Variants in NRXN3 observed in about 807,000 individuals in gnomAD.
The protein encoded by NRXN3 is neurexin III.
In NRXN3, 32 loss-of-function variants were observed where a neutral mutation model predicts 137.6. The observed-to-expected ratio is 0.23, with a 90% CI of 0.18 to 0.31. The LOEUF is 0.31. NRXN3 is among the 10% of genes least tolerant of loss of function. The pLI, the probability that NRXN3 is intolerant of heterozygous loss-of-function variation, is 1.00. For missense variants in NRXN3, 1,574 were observed against 2,062.5 expected (o/e 0.76, Z 4.59); for synonymous variants, 798 against 784.5 (o/e 1.02, Z -0.29).
intron 15 of NRXN3, among the ~76,000 whole-genome samples, chr14:79,103,010 C>A (rs73324730): frequency 0.043 from 6,553 of 152,122 alleles, 518 homozygotes; most frequent in African/African-American, 0.15. Flanking sequence ...AGTGGATAAA[C>A]CTGAAAATAA....
intron 15 of NRXN3, among the ~76,000 whole-genome samples, chr14:79,352,743 T>A (rs2093270235): frequency 6.6e-6 from 1 of 152,138 alleles, no homozygotes; most frequent in Admixed American, 6.5e-5. Context: ...GTGCTCTGCA[T>A]AGATGTAAAA....
intron 19 of NRXN3, among the ~76,000 whole-genome samples, chr14:79,719,350 T>A (rs919645126): frequency 1.8e-5 from 1 of 55,336 alleles, no homozygotes; most frequent in Non-Finnish European, 4.4e-5. Flanking sequence ...TATATACACA[T>A]ATATGTGTAT....
chr14:79,762,071 T>C (rs2099040573), intron 19 of NRXN3, among the ~76,000 whole-genome samples: 1 of 151,586 alleles, frequency 6.6e-6, no homozygotes, highest in African/African-American at 2.4e-5. Context: ...TGATTTTATA[T>C]TGGAAACAAG....
At chr14:78,463,254 T>C (rs1315702882) in intron 4 of NRXN3, among the ~76,000 whole-genome samples, 1 of 152,186 alleles carries the variant, frequency 6.6e-6, no homozygotes, top group East Asian at 1.9e-4. Flanking sequence ...TGTGTATATA[T>C]GTATGTATAT....
chr14:79,605,144 T>C (rs1365657935), intron 16 of NRXN3, among the ~76,000 whole-genome samples: 1 of 152,210 alleles, frequency 6.6e-6, no homozygotes, highest in African/African-American at 2.4e-5. Context: ...TCAGCATTTT[T>C]CTGAAGTGTC....
chr14:79,519,711 CTTG>C (rs1466063325), intron 16 of NRXN3, among the ~76,000 whole-genome samples: 1 of 147,380 alleles, frequency 6.8e-6, no homozygotes, highest in East Asian at 2.0e-4. Context: ...TGTTTCCGAT[CTTG>C]TTGTTAACAT....
intron 15 of NRXN3, among the ~76,000 whole-genome samples, chr14:79,003,013 A>C (rs2099544899): frequency 6.6e-6 from 1 of 152,086 alleles, no homozygotes; most frequent in African/African-American, 2.4e-5. Flanking sequence ...TGTCACCAAG[A>C]CTGGAGTGCA....
chr14:78,798,649 G>C (rs1009223276), intron 8 of NRXN3, among the ~76,000 whole-genome samples: 1 of 152,150 alleles, frequency 6.6e-6, no homozygotes, highest in East Asian at 1.9e-4. Flanking sequence ...ATTTCCCTTC[G>C]GCACTGCCCT....
chr14:78,954,234 T>A (rs780090111), intron 10 of NRXN3, among the ~76,000 whole-genome samples: 1 of 152,196 alleles, frequency 6.6e-6, no homozygotes, highest in African/African-American at 2.4e-5. Context: ...AGTTGACCTT[T>A]TGACTTGATT....
At chr14:79,740,590 A>G (rs2098957566) in intron 19 of NRXN3, among the ~76,000 whole-genome samples, 1 of 150,594 alleles carries the variant, frequency 6.6e-6, no homozygotes, top group Admixed American at 6.6e-5. Context: ...CTCCACCCTG[A>G]CAATAGATAC....
intron 8 of NRXN3, among the ~76,000 whole-genome samples, chr14:78,726,515 C>CTTTTTTT (rs71452901): frequency 7.8e-5 from 8 of 102,448 alleles, no homozygotes; most frequent in African/African-American, 1.8e-4. Flanking sequence ...ACCATTTTAG[C>CTTTTTTT]TTTTTTTTTT....
At chr14:78,536,445 A>T (rs748311806) in intron 4 of NRXN3, among the ~76,000 whole-genome samples, 1 of 152,180 alleles carries the variant, frequency 6.6e-6, no homozygotes, top group Non-Finnish European at 1.5e-5. Flanking sequence ...CTACTCTAGT[A>T]AGCCAGCCCA....
At chr14:78,348,238 A>G (rs2083007025) in intron 4 of NRXN3, among the ~76,000 whole-genome samples, 2 of 152,226 alleles carry the variant, frequency 1.3e-5, no homozygotes, top group African/African-American at 4.8e-5. Context: ...CTATGCATTC[A>G]GAGGCTACGG....
At chr14:79,779,393 G>A (rs555049306) in intron 19 of NRXN3, among the ~76,000 whole-genome samples, 9 of 152,046 alleles carry the variant, frequency 5.9e-5, no homozygotes, top group Non-Finnish European at 1.0e-4. Flanking sequence ...GATTACAGGC[G>A]TGAGCCACCA....
intron 6 of NRXN3, among the ~76,000 whole-genome samples, chr14:78,659,838 T>C (rs2097821387): frequency 6.6e-6 from 1 of 152,000 alleles, no homozygotes; most frequent in African/African-American, 2.4e-5. Flanking sequence ...TTACAAGGAA[T>C]TGAAGTGGGC....
At chr14:78,595,841 G>A (rs1174641658) in intron 4 of NRXN3, among the ~76,000 whole-genome samples, 1 of 152,074 alleles carries the variant, frequency 6.6e-6, no homozygotes, top group Non-Finnish European at 1.5e-5. Context: ...CTATTCCTGG[G>A]AAAGGGGGTG....
chr14:78,595,785 A>G (rs1243119837), intron 4 of NRXN3, among the ~76,000 whole-genome samples: 2 of 152,200 alleles, frequency 1.3e-5, no homozygotes, highest in Non-Finnish European at 2.9e-5. Flanking sequence ...CTCCTAAGAA[A>G]GATGGAACTT....
chr14:78,918,809 C>T lies in NRXN3; in HGVS notation c.2276-38433C>T, dbSNP rs557008469. ...CAGTATTCAGTACAATCACAAGCTGCACAGGTTTGTAGCCTAGGAGCATAC... is the reference window on the plus strand; with the variant it reads ...CAGTATTCAGTACAATCACAAGCTGTACAGGTTTGTAGCCTAGGAGCATAC... On this transcript the variant is annotated intron_variant, in intron 10 of 20. Transcript: ENST00000335750. Among the ~76,000 whole-genome samples, 7 of 152,244 alleles carry T rather than the reference C, an allele frequency of 4.6e-5. No individual in the cohort carries two copies. In the South Asian group the frequency reaches 1.5e-3, roughly 32 times the overall value.
chr14:79,372,601 C>G (rs981158093), intron 15 of NRXN3, among the ~76,000 whole-genome samples: 8 of 152,072 alleles, frequency 5.3e-5, no homozygotes, highest in Non-Finnish European at 1.2e-4. Flanking sequence ...ATACCCCTCT[C>G]TTGATTGTCC....
Sources: gnomAD v4.1 joint callset for allele counts (sites outside exome capture counted in the v4.1 genomes callset) on GRCh38, gnomAD v4.1.1 for gene constraint, MANE v1.5 for transcripts, NCBI Gene and HGNC (gene_info 2026-07-23, HGNC 2026-07-21) for gene names.